AUTS2: variants seen among roughly 807,000 people sequenced by gnomAD.
AUTS2 encodes activator of transcription and developmental regulator AUTS2, also known as autism susceptibility gene 2 protein.
A neutral mutation model predicts 112.4 loss-of-function variants in AUTS2; 17 were observed. That is an observed-to-expected ratio of 0.15 (90% CI 0.10 to 0.23). The LOEUF is 0.23. AUTS2 is among the 10% of genes least tolerant of loss of function. The probability of loss-of-function intolerance (pLI) is 1.00; values close to 1 mark genes in which losing one functional copy is unlikely to be tolerated. For missense variants in AUTS2, 1,510 were observed against 1,701.6 expected (o/e 0.89, Z 1.98); for synonymous variants, 751 against 702.7 (o/e 1.07, Z -1.09).
At chr7:69,784,522 C>T (rs533987330) in intron 1 of AUTS2, among the ~76,000 whole-genome samples, 7 of 152,326 alleles carry the variant, frequency 4.6e-5, no homozygotes, top group African/African-American at 1.7e-4. Flanking sequence ...TAACCCTGGA[C>T]AGGTCCCGAA....
intron 6 of AUTS2, among the ~76,000 whole-genome samples, chr7:70,727,442 T>A (rs1787106099): frequency 1.3e-5 from 2 of 152,112 alleles, no homozygotes; most frequent in Non-Finnish European, 2.9e-5. Flanking sequence ...CTCTACCTCC[T>A]GGGTTCAAGT....
At chr7:69,782,009 C>T (rs756840128) in intron 1 of AUTS2, among the ~76,000 whole-genome samples, 1 of 152,162 alleles carries the variant, frequency 6.6e-6, no homozygotes, top group Non-Finnish European at 1.5e-5. Context: ...CTTGAAAGTA[C>T]AGATTCCCGG....
At chr7:69,721,399 G>A (rs746711240) in intron 1 of AUTS2, among the ~76,000 whole-genome samples, 16 of 152,082 alleles carry the variant, frequency 1.1e-4, no homozygotes, top group Non-Finnish European at 2.4e-4. Flanking sequence ...CCCTTATTCC[G>A]CTTTTCTTCA....
At chr7:70,190,797 T>C (rs1417359231) in intron 4 of AUTS2, among the ~76,000 whole-genome samples, 1 of 152,222 alleles carries the variant, frequency 6.6e-6, no homozygotes, top group Admixed American at 6.5e-5. Flanking sequence ...TACACTATTG[T>C]ATAATCTCAT....
intron 4 of AUTS2, among the ~76,000 whole-genome samples, chr7:70,397,616 CTTT>C (rs975312782): frequency 3.3e-5 from 5 of 151,234 alleles, no homozygotes; most frequent in African/African-American, 1.2e-4. Context: ...TAAATATATT[CTTT>C]TATTTATTTA....
intron 4 of AUTS2, among the ~76,000 whole-genome samples, chr7:70,245,170 A>ATG (rs57817453): frequency 7.5e-6 from 1 of 133,890 alleles, no homozygotes; most frequent in Non-Finnish European, 1.5e-5. Flanking sequence ...ATATATATAT[A>ATG]AAAAATAAAA....
chr7:70,175,448 T>TAA (rs1554332666), intron 4 of AUTS2, among the ~76,000 whole-genome samples: 1 of 151,902 alleles, frequency 6.6e-6, no homozygotes, highest in Admixed American at 6.5e-5. Flanking sequence ...TGGCGGTATT[T>TAA]GAGGATTGAC....
At chr7:70,262,641 T>G (rs1215563608) in intron 4 of AUTS2, among the ~76,000 whole-genome samples, 1 of 152,238 alleles carries the variant, frequency 6.6e-6, no homozygotes, top group East Asian at 1.9e-4. Context: ...ATGGTAGCAA[T>G]ACAATTTATA....
Position 69,604,962 on chromosome 7 carries a change from G to T in AUTS2, c.309+5000G>T, listed in dbSNP as rs370105305. On this transcript the variant is annotated intron_variant, in intron 1 of 18. Coordinates refer to ENST00000342771, the MANE Select transcript of AUTS2 (RefSeq NM_015570.4). ...AAACAGAGTGATCTACCGCCAAATA[G>T]TTTCTGAAACTTGATGGGCTAGACA... 2.0e-5 allele frequency among the ~76,000 whole-genome samples: 3 copies of T among 152,184 alleles called. No individual in the cohort carries two copies. In the East Asian group the frequency reaches 5.8e-4, roughly 29 times the overall value.
At chr7:70,597,740 G>T (rs1279933210) in intron 5 of AUTS2, among the ~76,000 whole-genome samples, 1 of 152,158 alleles carries the variant, frequency 6.6e-6, no homozygotes, top group Non-Finnish European at 1.5e-5. Context: ...CCTACATTGG[G>T]ATGCACATAT....
intron 2 of AUTS2, among the ~76,000 whole-genome samples, chr7:70,034,437 GAGGA>G (rs150810179): frequency 1.2e-4 from 19 of 152,134 alleles, no homozygotes; most frequent in South Asian, 6.2e-4. Context: ...CAGACTGAGG[GAGGA>G]AGGAAGGAAG....
chr7:69,619,343 C>T (rs919840647), intron 1 of AUTS2, among the ~76,000 whole-genome samples: 1 of 152,048 alleles, frequency 6.6e-6, no homozygotes, highest in East Asian at 1.9e-4. Flanking sequence ...GAGCTACTGT[C>T]TGTTGAAAGT....
chr7:70,623,424 T>A (rs1335069046), intron 5 of AUTS2, among the ~76,000 whole-genome samples: 1 of 152,222 alleles, frequency 6.6e-6, no homozygotes, highest in Non-Finnish European at 1.5e-5. Flanking sequence ...AGGGTTGCTG[T>A]GTCCAATACA....
At chr7:69,602,154 G>T (rs1299463821) in intron 1 of AUTS2, among the ~76,000 whole-genome samples, 1 of 149,672 alleles carries the variant, frequency 6.7e-6, no homozygotes, top group African/African-American at 2.5e-5. Context: ...TATTTGACTG[G>T]GCTTGTGATA....
At chr7:69,602,960 C>T (rs1358089050) in intron 1 of AUTS2, among the ~76,000 whole-genome samples, 1 of 152,096 alleles carries the variant, frequency 6.6e-6, no homozygotes, top group African/African-American at 2.4e-5. Context: ...GAACTATCAC[C>T]AAGAAATGTG....
chr7:70,206,142 A>G (rs1810563170), intron 4 of AUTS2, among the ~76,000 whole-genome samples: 1 of 152,178 alleles, frequency 6.6e-6, no homozygotes, highest in Admixed American at 6.5e-5. Context: ...ATCCTGTGTT[A>G]TTCCCTGTCC....
Position 70,758,965 on chromosome 7 carries a change from C to T in AUTS2, c.743-3905C>T, listed in dbSNP as rs75096180. Among the ~76,000 whole-genome samples, 833 of 152,234 alleles carry T rather than the reference C, an allele frequency of 5.5e-3. 13 individuals are homozygous for T. The highest frequency in any genetic ancestry group is 0.019 in the African/African-American group (796 of 41,528). ...GGAGTCATAAAACTGTTTCAGCCCC[C>T]GAAGTTCTTACCAGCTCAAACTCAT... On this transcript the variant is annotated intron_variant, in intron 6 of 18. Transcript: ENST00000342771.
At chr7:69,624,135 T>C (rs1045028831) in intron 1 of AUTS2, among the ~76,000 whole-genome samples, 26 of 152,210 alleles carry the variant, frequency 1.7e-4, no homozygotes, top group Non-Finnish European at 3.1e-4. Flanking sequence ...ACAGCTGATA[T>C]TAAGATTACG....
rs987064288 is a variant in AUTS2, at chr7:70,784,973, G to T, written c.2178G>T (p.Gly726=). Residue 726 remains glycine (G), a synonymous_variant, in exon 16 of 19, where the codon GGG becomes GGT. Transcript: ENST00000342771. Reference sequence around the variant, plus strand: ...CACACCCAACTGGGACCCCTTTTGGGCCACCTCCTCATCACAGCAACTTCC... The same window carrying T: ...CACACCCAACTGGGACCCCTTTTGGTCCACCTCCTCATCACAGCAACTTCC... ...GAAHPTGTPF[G]PPPHHSNFLN... 2 of 1,614,084 alleles carry T rather than the reference G, an allele frequency of 1.2e-6. No homozygotes were observed. Among genetic ancestry groups the T allele is most frequent in the Non-Finnish European group, 1.7e-6 (2 of 1,180,018 alleles).
Sources: gnomAD v4.1 joint callset for allele counts (sites outside exome capture counted in the v4.1 genomes callset) on GRCh38, gnomAD v4.1.1 for gene constraint, MANE v1.5 for transcripts, NCBI Gene and HGNC (gene_info 2026-07-23, HGNC 2026-07-21) for gene names.